Variants in SULT1A3 observed in about 807,000 individuals in gnomAD.
The protein encoded by SULT1A3 is sulfotransferase family 1A member 3, also known as sulfotransferase 1A3.
For synonymous variants in SULT1A3, 4 were observed against 29.3 expected (o/e 0.14, Z 2.79); for missense variants, 11 against 62.7 (o/e 0.18, Z 2.78).
intron 4 of SULT1A3, among the ~76,000 whole-genome samples, 191 bp downstream of exon 4, chr16:30,201,484 C>T (rs1233021075): frequency 7.5e-5 from 11 of 147,628 alleles, no homozygotes; most frequent in Non-Finnish European, 1.4e-4. Flanking sequence ...GGAGGCTCAG[C>T]GGGGAGGACT....
chr16:30,201,704 T>C (rs1388532815), intron 4 of SULT1A3, among the ~76,000 whole-genome samples: 2 of 130,044 alleles, frequency 1.5e-5, no homozygotes, highest in Non-Finnish European at 3.7e-5. Context: ...ACATCTTTTT[T>C]TTTTTTTGAG....
intron 2 of SULT1A3, 23 bp downstream of exon 2, chr16:30,200,899 C>A: frequency 2.0e-6 from 1 of 497,830 alleles, no homozygotes; most frequent in Non-Finnish European, 3.0e-6. Flanking sequence ...GGCCACCCAC[C>A]CTCTCCCAGG....
chr16:30,203,893 C>G lies in SULT1A3; in HGVS notation c.861C>G (p.Cys287Trp). 3.3e-6 allele frequency: 1 copy of G among 300,590 alleles called. No individual in the cohort carries two copies. The highest frequency in any genetic ancestry group is 7.0e-4 in the Middle Eastern group (1 of 1,422). 18.6% of individuals were successfully genotyped at this position (300,590 alleles called of 1,614,324 possible). ...DADYAEKMAG[C>W]SLSFRSEL ...ACTATGCGGAGAAGATGGCAGGCTG[C>G]AGCCTCAGCTTCCGCTCTGAGCTGT... is the stretch of plus-strand genomic sequence containing the variant. Residue 287 changes from cysteine (C) to tryptophan (W), a missense_variant, in exon 8 of 8, where the codon TGC becomes TGG. By Grantham distance (215) the Cys-to-Trp change is radical. Coordinates refer to ENST00000338971, the MANE Select transcript of SULT1A3 (RefSeq NM_177552.4).
chr16:30,203,682 A>C lies in SULT1A3; in HGVS notation c.772A>C (p.Lys258Gln). Residue 258 changes from lysine to glutamine, a missense_variant, in exon 7 of 8, where the codon AAA becomes CAA. Coordinates refer to ENST00000338971, the MANE Select transcript of SULT1A3 (RefSeq NM_177552.4). ...CCACAGCATCTCCCCCTTCATGAGG[A>C]AAGGTGGGTGCTGGCCAGCACGGGG... ...MDHSISPFMR[K>Q]GMAGDWKTTF... 1 of 74,204 alleles carries C rather than the reference A, an allele frequency of 1.3e-5. No individual in the cohort carries two copies. 4.6% of individuals were successfully genotyped at this position (74,204 alleles called of 1,614,324 possible).
chr16:30,201,188 C>A lies in SULT1A3; in HGVS notation c.275-8C>A. 2.9e-6 allele frequency: 1 copy of A among 350,822 alleles called. No homozygotes were observed. Among genetic ancestry groups the A allele is most frequent in the South Asian group, 2.6e-5 (1 of 38,990 alleles). 21.7% of individuals were successfully genotyped at this position (350,822 alleles called of 1,614,324 possible). A position where few individuals can be genotyped will look rare whatever the true frequency, so the allele number is the denominator to read the frequency against. ...AGCTCACCAGACCTTCCCTGACCCA[C>A]TACTCAGGGCTGGAGACTCTGAAAG... is the stretch of plus-strand genomic sequence containing the variant. On this transcript the variant is annotated splice_polypyrimidine_tract_variant and splice_region_variant and intron_variant, in intron 3 of 7. Coordinates refer to ENST00000338971, the MANE Select transcript of SULT1A3 (RefSeq NM_177552.4).
Position 30,201,252 on chromosome 16 carries a change from CT to C in SULT1A3, c.332del (p.Leu111ArgfsTer72). 2.3e-6 allele frequency: 1 copy of C among 435,274 alleles called. No homozygotes were observed. The highest frequency in any genetic ancestry group is 2.5e-5 in the South Asian group (1 of 40,774). The allele number at this position is 435,274 out of a possible 1,614,324, so 27.0% of individuals were successfully genotyped here. ...ACGGCTCATCAAGTCACACCTGCCC[CT>C]GGCTCTGCTCCCTCAGACTCTGTTG... ...PPRLIKSHLP[L>X]ALLPQTLLDQ... On this transcript the variant is annotated frameshift_variant, in exon 4 of 8. Transcript: ENST00000338971. LOFTEE classifies it high-confidence loss of function.
intron 4 of SULT1A3, among the ~76,000 whole-genome samples, chr16:30,201,762 C>G (rs2073445513): frequency 1.5e-5 from 2 of 131,446 alleles, no homozygotes; most frequent in African/African-American, 5.3e-5. Flanking sequence ...GGCATGATCT[C>G]AGCTCACTGC....
In SULT1A3 at chr16:30,201,779, C is replaced by T. The variant is rs372875504; in HGVS notation, c.372+486C>T. Among the ~76,000 whole-genome samples the T allele has an allele frequency of 4.1e-4, 54 of 132,482 alleles. No homozygotes were observed. In the East Asian group the frequency reaches 9.8e-3, roughly 24 times the overall value. The allele number at this position is 132,482 out of a possible 152,430, so 86.9% of individuals were successfully genotyped here. On this transcript the variant is annotated intron_variant, in intron 4 of 7. Coordinates refer to ENST00000338971, the MANE Select transcript of SULT1A3 (RefSeq NM_177552.4). ...CATGATCTCAGCTCACTGCAACCTC[C>T]GCCTCCCCAGTTCAAGTGATTCTCC...
At chr16:30,201,919 ACT>A (rs1319404133) in intron 4 of SULT1A3, 4 of 96,616 alleles carry the variant, frequency 4.1e-5, no homozygotes, top group African/African-American at 1.4e-4. Context: ...TGGATCTCAA[ACT>A]CTTGACCTTG....
intron 2 of SULT1A3, 33 bp downstream of exon 2, chr16:30,200,909 G>T: frequency 2.2e-6 from 1 of 455,816 alleles, no homozygotes; most frequent in African/African-American, 8.3e-5. Flanking sequence ...CCTCTCCCAG[G>T]CGGCAGTCCC....
chr16:30,204,213 G>A lies in SULT1A3; in HGVS notation c.*293G>A, dbSNP rs1451804538. 1.8e-6 allele frequency: 1 copy of A among 546,624 alleles called. No homozygotes were observed. Among genetic ancestry groups the A allele is most frequent in the African/African-American group, 1.9e-5 (1 of 53,378 alleles). 33.9% of individuals were successfully genotyped at this position (546,624 alleles called of 1,614,324 possible). A position where few individuals can be genotyped will look rare whatever the true frequency, so the allele number is the denominator to read the frequency against. ...CTGGAGGATCATTTCAGCCCAGGAG[G>A]TTGTGGATACAGTGAGTTATGACAT... On this transcript the variant is annotated 3_prime_UTR_variant, in exon 8 of 8. Transcript: ENST00000338971.
chr16:30,201,928 C>T (rs2073447071), intron 4 of SULT1A3: 1 of 100,616 alleles, frequency 9.9e-6, no homozygotes, highest in Non-Finnish European at 2.3e-5. Flanking sequence ...AACTCTTGAC[C>T]TTGTGATCCT....
chr16:30,203,855 C>CGCG lies in SULT1A3; in HGVS notation c.825_826insGGC (p.Arg275_Phe276insGly). On this transcript the variant is annotated inframe_insertion, in exon 8 of 8. Coordinates refer to ENST00000338971, the MANE Select transcript of SULT1A3 (RefSeq NM_177552.4). ...CACCTTCACCGTGGCGCAGAATGAGCGCTTCGATGCGGACTATGCGGAGAA... is the reference window on the plus strand; with the variant it reads ...CACCTTCACCGTGGCGCAGAATGAGCGCGGCTTCGATGCGGACTATGCGGAGAA... 1 of 264,518 alleles carries CGCG rather than the reference C, an allele frequency of 3.8e-6. No individual in the cohort carries two copies. The highest frequency in any genetic ancestry group is 2.6e-5 in the South Asian group (1 of 38,326). The allele number at this position is 264,518 out of a possible 1,614,324, so 16.4% of individuals were successfully genotyped here.
chr16:30,201,595 CACTG>C (rs1210062401), intron 4 of SULT1A3, among the ~76,000 whole-genome samples: 1 of 152,126 alleles, frequency 6.6e-6, no homozygotes, highest in Admixed American at 6.5e-5. Context: ...AAAAAGTTCC[CACTG>C]ACTGGCAAGG....
chr16:30,203,786 G>T, intron 7 of SULT1A3, 22 bp from the exon 8 acceptor site: 1 of 178,456 alleles, frequency 5.6e-6, no homozygotes, highest in South Asian at 2.8e-5. Context: ...CTCCAGCTTT[G>T]CTCCCTGCCT....
intron 4 of SULT1A3, chr16:30,202,011 C>G (rs1208398261): frequency 1.5e-5 from 1 of 65,900 alleles, no homozygotes; most frequent in East Asian, 3.2e-4. Flanking sequence ...TTTTTTGAGA[C>G]AGTTTCACTC....
intron 4 of SULT1A3, among the ~76,000 whole-genome samples, chr16:30,201,642 AGCCATGT>A (rs1388873009): frequency 1.3e-5 from 2 of 151,806 alleles, no homozygotes; most frequent in African/African-American, 4.8e-5. Flanking sequence ...GTGCCCTCTC[AGCCATGT>A]ACCTGTTCTT....
At chr16:30,200,453 GGT>G (rs2073432375) in intron 1 of SULT1A3, 1 of 39,682 alleles carries the variant, frequency 2.5e-5, no homozygotes, top group Non-Finnish European at 3.9e-5. Context: ...TGGCCAACAT[GGT>G]GAAACCCCAT....
chr16:30,201,972 G>T (rs2073447469), intron 4 of SULT1A3: 1 of 85,508 alleles, frequency 1.2e-5, no homozygotes, highest in Non-Finnish European at 2.7e-5. Context: ...TGGAATTACA[G>T]GCGTGAGCCA....
Sources: gnomAD v4.1 joint callset for allele counts (sites outside exome capture counted in the v4.1 genomes callset) on GRCh38, gnomAD v4.1.1 for gene constraint, MANE v1.5 for transcripts, NCBI Gene and HGNC (gene_info 2026-07-23, HGNC 2026-07-21) for gene names.